The following DYNC1I1 variants were observed in gnomAD, a reference collection of about 807,000 sequenced individuals.
DYNC1I1 encodes the protein cytoplasmic dynein 1 intermediate chain 1.
DYNC1I1 carries 43 observed loss-of-function variants against 86.6 expected under a neutral mutation model. That is an observed-to-expected ratio of 0.50 (90% CI 0.39 to 0.64). DYNC1I1 has a LOEUF of 0.64. Among genes scored for constraint, DYNC1I1 ranks in the 30% least tolerant of loss-of-function variants. The pLI, the probability that DYNC1I1 is intolerant of heterozygous loss-of-function variation, is 0.00. For missense variants in DYNC1I1, 604 were observed against 788.8 expected, an observed-to-expected ratio of 0.77 and a Z score of 2.81; for synonymous variants, 262 against 283.7, an observed-to-expected ratio of 0.92 and a Z score of 0.77.
chr7:95,783,646 A>G (rs899107878), intron 1 of DYNC1I1, among the ~76,000 whole-genome samples: 3 of 152,230 alleles, frequency 2.0e-5, no homozygotes, highest in Admixed American at 6.5e-5. Flanking sequence ...CAGACTGACC[A>G]GACATCAGTG....
chr7:95,904,220 A>C (rs1430335295), intron 6 of DYNC1I1, among the ~76,000 whole-genome samples: 4 of 152,244 alleles, frequency 2.6e-5, no homozygotes, highest in African/African-American at 9.6e-5. Flanking sequence ...TTACTTCCAG[A>C]GTACTGTTAC....
chr7:95,779,249 A>T (rs1347690453), intron 1 of DYNC1I1, among the ~76,000 whole-genome samples: 2 of 152,240 alleles, frequency 1.3e-5, no homozygotes, highest in African/African-American at 4.8e-5. Context: ...ATTTAAGTCA[A>T]TTTTTTTGTC....
At position 95,810,546 on chromosome 7, in the gene DYNC1I1, A is replaced by C. The variant is rs779181893; in HGVS notation, c.223+40A>C. On this transcript the variant is annotated intron_variant, in intron 3 of 16. Transcript: ENST00000447467. ...TTCCTGTTACTATTCCTCAAAATCA[A>C]CTTGCGTGGGATATACCATGTCCAG... 5.8e-6 allele frequency: 9 copies of C among 1,552,742 alleles called. No homozygotes were observed. The East Asian group carries it at 1.6e-4, about 27-fold the overall frequency.
chr7:95,939,683 ATG>A (rs1792147566), intron 6 of DYNC1I1, among the ~76,000 whole-genome samples: 1 of 151,374 alleles, frequency 6.6e-6, no homozygotes, highest in African/African-American at 2.4e-5. Flanking sequence ...TTTTGAGCCT[ATG>A]TGTGTCTCTG....
At chr7:95,923,020 T>G (rs1433430012) in intron 6 of DYNC1I1, among the ~76,000 whole-genome samples, 2 of 152,156 alleles carry the variant, frequency 1.3e-5, no homozygotes, top group African/African-American at 4.8e-5. Context: ...TAATTTCAAT[T>G]AAAATTTGTT....
At position 96,097,791 on chromosome 7, in the gene DYNC1I1, A is replaced by C. The variant is rs757692718; in HGVS notation, c.*198A>C. 27 of 1,309,586 alleles carry C rather than the reference A, an allele frequency of 2.1e-5. No homozygotes were observed. The highest frequency in any genetic ancestry group is 2.5e-5 in the Non-Finnish European group (26 of 1,026,770). The allele number at this position is 1,309,586 out of a possible 1,614,324, so 81.1% of individuals were successfully genotyped here. On this transcript the variant is annotated 3_prime_UTR_variant, in exon 17 of 17. Transcript: ENST00000447467. ...CCACTGACCCAAAATTCACCACAGCATTTCTATCTTTATATTTCTGTCTCA... is the reference window on the plus strand; with the variant it reads ...CCACTGACCCAAAATTCACCACAGCCTTTCTATCTTTATATTTCTGTCTCA...
intron 5 of DYNC1I1, among the ~76,000 whole-genome samples, chr7:95,854,987 G>C (rs1316794622): frequency 6.6e-6 from 1 of 152,184 alleles, no homozygotes; most frequent in African/African-American, 2.4e-5. Context: ...CCGATAGGTT[G>C]CTGTTCACTA....
intron 14 of DYNC1I1, among the ~76,000 whole-genome samples, chr7:96,048,630 C>T (rs1303425040): frequency 6.6e-6 from 1 of 152,172 alleles, no homozygotes; most frequent in Non-Finnish European, 1.5e-5. Context: ...TCAAACATCC[C>T]ATCCTACAGA....
chr7:95,794,418 G>A (rs1003702094), intron 1 of DYNC1I1, among the ~76,000 whole-genome samples: 3 of 152,096 alleles, frequency 2.0e-5, no homozygotes, highest in African/African-American at 7.2e-5. Context: ...TGTTAATTGG[G>A]GAACAGTTTC....
chr7:96,094,412 A>G (rs1319974309), intron 16 of DYNC1I1, among the ~76,000 whole-genome samples: 1 of 152,200 alleles, frequency 6.6e-6, no homozygotes, highest in Non-Finnish European at 1.5e-5. Context: ...CTTTCTAGCC[A>G]TTTCTAATCA....
chr7:95,936,616 T>C (rs1201535255), intron 6 of DYNC1I1, among the ~76,000 whole-genome samples: 1 of 151,982 alleles, frequency 6.6e-6, no homozygotes, highest in Non-Finnish European at 1.5e-5. Context: ...AATTAGTACA[T>C]TTTGTGTAAT....
chr7:95,865,523 A>G (rs1334351952), intron 5 of DYNC1I1, among the ~76,000 whole-genome samples: 1 of 152,192 alleles, frequency 6.6e-6, no homozygotes, highest in African/African-American at 2.4e-5. Context: ...TAAGGGATAA[A>G]TAAGTATCTT....
chr7:96,058,314 C>T (rs1247393940), intron 14 of DYNC1I1, among the ~76,000 whole-genome samples: 4 of 152,208 alleles, frequency 2.6e-5, no homozygotes, highest in African/African-American at 4.8e-5. Context: ...AAACGTGACA[C>T]GATCTCTGGT....
intron 16 of DYNC1I1, among the ~76,000 whole-genome samples, chr7:96,095,879 G>C (rs1420314362): frequency 6.6e-6 from 1 of 152,072 alleles, no homozygotes; most frequent in Non-Finnish European, 1.5e-5. Context: ...CCAAAGTAGG[G>C]AAAACAGACT....
At chr7:95,877,444 C>T (rs1207922169) in intron 6 of DYNC1I1, among the ~76,000 whole-genome samples, 1 of 152,170 alleles carries the variant, frequency 6.6e-6, no homozygotes, top group African/African-American at 2.4e-5. Flanking sequence ...AAGGGTGTCA[C>T]TCAGAAAGAA....
intron 16 of DYNC1I1, among the ~76,000 whole-genome samples, chr7:96,107,844 C>T (rs146276141): frequency 6.8e-6 from 1 of 147,228 alleles, no homozygotes; most frequent in African/African-American, 2.5e-5. Flanking sequence ...TTTTGAGGAA[C>T]GGTTTTATCA....
chr7:95,873,061 A>G (rs561183375), intron 6 of DYNC1I1, among the ~76,000 whole-genome samples: 2 of 152,224 alleles, frequency 1.3e-5, no homozygotes, highest in Non-Finnish European at 2.9e-5. Flanking sequence ...AATCTGCTGG[A>G]AAGATGCAAG....
chr7:96,098,848 A>AAAT (rs1403336718), downstream of DYNC1I1, among the ~76,000 whole-genome samples: 1 of 152,234 alleles, frequency 6.6e-6, no homozygotes, highest in African/African-American at 2.4e-5. Flanking sequence ...AAATGAAAAC[A>AAAT]AATAGCGGTT....
At chr7:96,092,044 G>T (rs1790863555) in intron 16 of DYNC1I1, among the ~76,000 whole-genome samples, 1 of 152,134 alleles carries the variant, frequency 6.6e-6, no homozygotes, top group Non-Finnish European at 1.5e-5. Flanking sequence ...AACTCTGAAA[G>T]AATTTTTCTT....
Sources: allele counts gnomAD v4.1 joint callset (sites outside exome capture counted in the v4.1 genomes callset), GRCh38; gene constraint gnomAD v4.1.1; transcripts MANE v1.5; gene names NCBI Gene and HGNC (gene_info 2026-07-23, HGNC 2026-07-21).